The following UTRN variants were observed in gnomAD, a reference collection of about 807,000 sequenced individuals.
UTRN encodes dystrophin-related protein 1.
Under a neutral mutation model 463.9 loss-of-function variants are expected in UTRN, and 283 were observed. The ratio of observed to expected loss-of-function variants is 0.61; its 90% CI spans 0.55 to 0.67. UTRN has a LOEUF of 0.67. Ranked by LOEUF, UTRN falls within the 30% of genes least tolerant of loss-of-function variation. The pLI, the probability that UTRN is intolerant of heterozygous loss-of-function variation, is 0.00. For missense variants in UTRN, 3,922 were observed against 4,084.3 expected (o/e 0.96, Z 1.08); for synonymous variants, 1,442 against 1,431.5 (o/e 1.01, Z -0.17).
At chr6:144,783,064 CA>C (rs1478172029) in intron 61 of UTRN, among the ~76,000 whole-genome samples, 1 of 151,926 alleles carries the variant, frequency 6.6e-6, no homozygotes, top group Non-Finnish European at 1.5e-5. Flanking sequence ...GGCATCGTGG[CA>C]GGTGCCTGTA....
At chr6:144,794,112 A>G in intron 63 of UTRN, 121 bp downstream of exon 63, 12 of 1,348,180 alleles carry the variant, frequency 8.9e-6, no homozygotes, top group Non-Finnish European at 1.2e-5. Context: ...GGTACCATCC[A>G]ACAAGTGGTG....
chr6:144,744,958 G>A (rs182625380), intron 54 of UTRN, among the ~76,000 whole-genome samples: 1 of 152,260 alleles, frequency 6.6e-6, no homozygotes, highest in Admixed American at 6.5e-5. Context: ...ATTCCATCCT[G>A]ACAACCTGTT....
intron 63 of UTRN, 132 bp from the exon 64 acceptor site, chr6:144,797,692 C>A: frequency 1.1e-6 from 1 of 900,246 alleles, no homozygotes; most frequent in Non-Finnish European, 1.6e-6. Flanking sequence ...AGCATTGTGA[C>A]TTAACTGACA....
chr6:144,571,808 G>A (rs1800966136), intron 50 of UTRN, among the ~76,000 whole-genome samples: 1 of 152,098 alleles, frequency 6.6e-6, no homozygotes, highest in Non-Finnish European at 1.5e-5. Flanking sequence ...ATTTTCCAGT[G>A]ACCTGACAGT....
At chr6:144,787,814 G>C (rs1776414212) in intron 61 of UTRN, among the ~76,000 whole-genome samples, 1 of 151,944 alleles carries the variant, frequency 6.6e-6, no homozygotes, top group African/African-American at 2.4e-5. Context: ...TTTAGTTATA[G>C]GTTTTAAGTG....
intron 19 of UTRN, 103 bp downstream of exon 19, chr6:144,453,972 T>C (rs1400349196): frequency 1.1e-6 from 1 of 885,212 alleles, no homozygotes. Context: ...CGAATCCTCT[T>C]TTGGCTAGAT....
chr6:144,556,770 T>C (rs3793134), intron 49 of UTRN, among the ~76,000 whole-genome samples: 81,500 of 152,058 alleles, frequency 0.54, 23,758 homozygotes, highest in East Asian at 0.85. Flanking sequence ...TGTTGTTGAT[T>C]CTTCACGTTT....
chr6:144,342,934 T>A (rs1050693859), intron 2 of UTRN, among the ~76,000 whole-genome samples: 4 of 152,088 alleles, frequency 2.6e-5, no homozygotes, highest in African/African-American at 7.2e-5. Context: ...AGAAGACAGG[T>A]GAAGTCAGCC....
At chr6:144,365,697 A>G (rs555845708) in intron 2 of UTRN, among the ~76,000 whole-genome samples, 20 of 152,288 alleles carry the variant, frequency 1.3e-4, no homozygotes, top group African/African-American at 4.6e-4. Context: ...TTTTTTGGTG[A>G]TCTGTGGATT....
At chr6:144,356,572 G>T (rs908328220) in intron 2 of UTRN, among the ~76,000 whole-genome samples, 3 of 152,142 alleles carry the variant, frequency 2.0e-5, no homozygotes, top group African/African-American at 7.2e-5. Flanking sequence ...CAGCACTTTG[G>T]GACGTTTAGG....
intron 27 of UTRN, among the ~76,000 whole-genome samples, chr6:144,483,050 A>G (rs1215498106): frequency 6.6e-6 from 1 of 152,236 alleles, no homozygotes; most frequent in African/African-American, 2.4e-5. Context: ...ATTTACAACA[A>G]TTTAATTTAC....
At chr6:144,809,566 A>G (rs1778433210) in intron 65 of UTRN, among the ~76,000 whole-genome samples, 1 of 152,158 alleles carries the variant, frequency 6.6e-6, no homozygotes, top group East Asian at 1.9e-4. Flanking sequence ...GATTCCAGTC[A>G]GTGAAAGATT....
intron 63 of UTRN, among the ~76,000 whole-genome samples, chr6:144,797,055 C>A (rs919411607): frequency 1.4e-4 from 22 of 152,000 alleles, no homozygotes; most frequent in African/African-American, 5.3e-4. Context: ...TAGCAATATG[C>A]TTTCTGTGTG....
chr6:144,835,700 CATTATTTCTACTTCCTTTATGTCCAAAA>C (rs1402649620), intron 69 of UTRN, 52 bp from the exon 70 acceptor site: 1 of 1,571,792 alleles, frequency 6.4e-7, no homozygotes, highest in Non-Finnish European at 8.6e-7. Context: ...TCCTGTCCAT[CATTATTTCTACTTCCTTTATGTCCAAAA>C]ACATCACCAT....
intron 51 of UTRN, among the ~76,000 whole-genome samples, chr6:144,595,165 C>T (rs1282917197): frequency 6.6e-6 from 1 of 152,140 alleles, no homozygotes; most frequent in Non-Finnish European, 1.5e-5. Context: ...TATCAGTCCT[C>T]AGTTTTGTCT....
At chr6:144,394,644 A>C (rs529765966) in intron 2 of UTRN, among the ~76,000 whole-genome samples, 1 of 152,320 alleles carries the variant, frequency 6.6e-6, no homozygotes, top group East Asian at 1.9e-4. Flanking sequence ...CATTAGCTCT[A>C]TAGAAAACAT....
intron 2 of UTRN, among the ~76,000 whole-genome samples, chr6:144,371,708 G>A (rs1162812550): frequency 2.0e-5 from 3 of 149,932 alleles, no homozygotes; most frequent in Non-Finnish European, 3.0e-5. Context: ...GCGCCTGGCC[G>A]CAGATTAACT....
chr6:144,675,989 T>A (rs1781550676), intron 51 of UTRN, among the ~76,000 whole-genome samples: 1 of 152,190 alleles, frequency 6.6e-6, no homozygotes, highest in African/African-American at 2.4e-5. Context: ...TTTAAAAAAA[T>A]TTATAATAAT....
At chr6:144,604,243 C>T (rs2128638301) in intron 51 of UTRN, among the ~76,000 whole-genome samples, 1 of 152,268 alleles carries the variant, frequency 6.6e-6, no homozygotes, top group African/African-American at 2.4e-5. Context: ...TGTAGTTATA[C>T]TCCGTGTGGC....
Sources: gnomAD v4.1 joint callset for allele counts (sites outside exome capture counted in the v4.1 genomes callset) on GRCh38, gnomAD v4.1.1 for gene constraint, MANE v1.5 for transcripts, NCBI Gene and HGNC (gene_info 2026-07-23, HGNC 2026-07-21) for gene names.